The following ELF2 variants were observed in gnomAD, a reference collection of about 807,000 sequenced individuals.
ELF2 encodes the protein E74 like ETS transcription factor 2.
Under a neutral mutation model 54.8 loss-of-function variants are expected in ELF2, and 11 were observed. That is an observed-to-expected ratio of 0.20 (90% CI 0.13 to 0.33). The LOEUF is 0.33. Ranked by LOEUF, ELF2 falls within the 10% of genes least tolerant of loss-of-function variation. ELF2 has a pLI of 1.00. For synonymous variants in ELF2, 203 were observed against 245.1 expected (o/e 0.83, Z 1.61); for missense variants, 513 against 703.0 (o/e 0.73, Z 3.06).
In ELF2 at chr4:139,072,034, C is replaced by T. The variant is rs760977132; in HGVS notation, c.358G>A (p.Val120Met). ...CLRDSRSPVEVFVPPCVSTPE... is the reference protein window; with the variant it reads ...CLRDSRSPVEMFVPPCVSTPE... ...GTTGATACACAAGGAGGAACAAACA[C>T]TTCCACTATAAAAAAAAGTTGAAAA... The change falls in exon 6 of 10, where the codon GTG (valine) becomes ATG (methionine). Residue 120 changes from valine to methionine, a missense_variant. Val to Met is a conservative substitution (Grantham distance 21). Around this residue, in one of 3 missense-constraint regions of ELF2, gnomAD observed 203 missense variants for 245.9 expected, o/e 0.83. Transcript: ENST00000686138. 5.0e-6 allele frequency: 8 copies of T among 1,607,634 alleles called. No homozygotes were observed. The highest frequency in any genetic ancestry group is 6.8e-6 in the Non-Finnish European group (8 of 1,178,694).
intron 1 of ELF2, among the ~76,000 whole-genome samples, chr4:139,140,218 T>C (rs1738571052): frequency 6.6e-6 from 1 of 152,214 alleles, no homozygotes. Flanking sequence ...CTATTAGACA[T>C]GTTCCTGCTA....
chr4:139,143,011 G>A lies in ELF2; in HGVS notation c.-251-3514C>T, dbSNP rs557772391. On this transcript the variant is annotated intron_variant, in intron 1 of 9. Coordinates refer to ENST00000686138, the MANE Select transcript of ELF2 (RefSeq NM_001331036.3). ...CAGGCTGGAGGATTCTCAGATGATGGAGTAGGATGCACCAGGAATCTGTAT... is the reference window on the plus strand; with the variant it reads ...CAGGCTGGAGGATTCTCAGATGATGAAGTAGGATGCACCAGGAATCTGTAT... Among the ~76,000 whole-genome samples the A allele has an allele frequency of 1.1e-4, 16 of 152,210 alleles. 1 individual carries two copies. Among genetic ancestry groups the A allele is most frequent in the African/African-American group, 3.6e-4 (15 of 41,484 alleles).
At chr4:139,069,498 A>C (rs1275307396) in intron 6 of ELF2, among the ~76,000 whole-genome samples, 1 of 152,226 alleles carries the variant, frequency 6.6e-6, no homozygotes, top group East Asian at 1.9e-4. Flanking sequence ...TCTAGCACAA[A>C]AGCCCAACTT....
intron 3 of ELF2, among the ~76,000 whole-genome samples, chr4:139,129,974 T>C (rs1737323417): frequency 6.6e-6 from 1 of 152,202 alleles, no homozygotes; most frequent in African/African-American, 2.4e-5. Flanking sequence ...CCCTAGCTTC[T>C]GTGAATGTGA....
At chr4:139,097,892 T>G (rs1467858207) in intron 4 of ELF2, among the ~76,000 whole-genome samples, 2 of 152,150 alleles carry the variant, frequency 1.3e-5, no homozygotes, top group Non-Finnish European at 2.9e-5. Context: ...TAATTTATTT[T>G]TTGCAGAGAC....
At chr4:139,068,844 T>C (rs1729104684) in intron 6 of ELF2, among the ~76,000 whole-genome samples, 1 of 151,990 alleles carries the variant, frequency 6.6e-6, no homozygotes, top group Admixed American at 6.6e-5. Context: ...TATTTTAAAA[T>C]CAAATACATA....
intron 4 of ELF2, among the ~76,000 whole-genome samples, chr4:139,076,421 C>A (rs142541906): frequency 2.0e-5 from 3 of 151,700 alleles, no homozygotes; most frequent in Non-Finnish European, 4.4e-5. Flanking sequence ...TGCCTCCCTA[C>A]AATACTCACA....
chr4:139,175,999 C>T (rs1742875115), intron 1 of ELF2, among the ~76,000 whole-genome samples: 1 of 152,164 alleles, frequency 6.6e-6, no homozygotes, highest in Non-Finnish European at 1.5e-5. Context: ...AATAAAAATG[C>T]CCAAATGGAG....
chr4:139,136,020 T>C (rs931485311), intron 3 of ELF2, among the ~76,000 whole-genome samples: 11 of 152,206 alleles, frequency 7.2e-5, no homozygotes, highest in African/African-American at 2.7e-4. Flanking sequence ...ATTCTGCCTA[T>C]TGTTTTTGGT....
At chr4:139,163,740 C>G (rs1741399765) in intron 1 of ELF2, among the ~76,000 whole-genome samples, 1 of 151,920 alleles carries the variant, frequency 6.6e-6, no homozygotes, top group Admixed American at 6.6e-5. Context: ...ACAATGAAAC[C>G]CCGTCTCTAC....
At chr4:139,107,456 C>T (rs1008394693) in intron 4 of ELF2, among the ~76,000 whole-genome samples, 1 of 152,148 alleles carries the variant, frequency 6.6e-6, no homozygotes, top group Non-Finnish European at 1.5e-5. Context: ...TATCATCACA[C>T]ATTATATATA....
At chr4:139,128,510 A>T (rs1288968148) in intron 3 of ELF2, among the ~76,000 whole-genome samples, 2 of 151,946 alleles carry the variant, frequency 1.3e-5, no homozygotes, top group African/African-American at 4.8e-5. Flanking sequence ...CTATTCTCTA[A>T]AAATATTTTT....
chr4:139,126,814 G>C (rs1736966269), intron 3 of ELF2, among the ~76,000 whole-genome samples: 1 of 152,134 alleles, frequency 6.6e-6, no homozygotes, highest in African/African-American at 2.4e-5. Flanking sequence ...GAAGATACTG[G>C]AGAATGTATC....
In ELF2 at chr4:139,137,870, A is replaced by G; in HGVS notation, c.-166-3T>C. On this transcript the variant is annotated splice_region_variant and splice_polypyrimidine_tract_variant and intron_variant, in intron 2 of 9. Coordinates refer to ENST00000686138, the MANE Select transcript of ELF2 (RefSeq NM_001331036.3). ...CTAAAGATGATTAACCAGAAAGCCT[A>G]AAAAGAGGAAGAATTTGAAAAGTTA... The G allele has an allele frequency of 7.7e-7, 1 of 1,306,540 alleles. No homozygotes were observed. The highest frequency in any genetic ancestry group is 9.7e-7 in the Non-Finnish European group (1 of 1,027,946). 80.9% of individuals were successfully genotyped at this position (1,306,540 alleles called of 1,614,324 possible).
At chr4:139,172,446 G>A (rs1163586486) in intron 1 of ELF2, among the ~76,000 whole-genome samples, 1 of 152,012 alleles carries the variant, frequency 6.6e-6, no homozygotes, top group East Asian at 1.9e-4. Flanking sequence ...CCATATTCAC[G>A]CTGTCTACAC....
Position 139,067,766 on chromosome 4 carries a change from G to A in ELF2, c.531C>T (p.Gly177=). ...GTGATTGCTGGGTCTTTGGTTTACG[G>A]CCAACTGAAAAAATAAGATATTGAA... ...SHEPMKKKKV[G]RKPKTQQSPI... The change falls in exon 7 of 10, where the codon GGC becomes GGT. Residue 177 remains glycine, a synonymous_variant. Transcript: ENST00000686138. 1.3e-6 allele frequency: 2 copies of A among 1,576,340 alleles called. No homozygotes were observed. Among genetic ancestry groups the A allele is most frequent in the South Asian group, 1.2e-5 (1 of 85,494 alleles).
chr4:139,177,222 TGCCCCCGCCCCGCTCCGCTCCCG>T (rs1376983954), upstream of ELF2: 13 of 150,466 alleles, frequency 8.6e-5, no homozygotes, highest in African/African-American at 3.2e-4. Context: ...GAGCAATGGT[TGCCCCCGCCCCGCTCCGCTCCCG>T]GCCCCCTCCC....
intron 4 of ELF2, among the ~76,000 whole-genome samples, chr4:139,095,476 T>C (rs565956729): frequency 6.6e-6 from 1 of 152,076 alleles, no homozygotes; most frequent in African/African-American, 2.4e-5. Flanking sequence ...TGAGCCACTG[T>C]GCCAGCCTGC....
intron 1 of ELF2, among the ~76,000 whole-genome samples, chr4:139,154,443 G>A (rs907782970): frequency 4.6e-5 from 7 of 151,846 alleles, no homozygotes; most frequent in African/African-American, 7.3e-5. Flanking sequence ...AAGACCCTAA[G>A]ATATTAGTTG....
Sources: gnomAD v4.1 joint callset for allele counts (sites outside exome capture counted in the v4.1 genomes callset) on GRCh38, gnomAD v4.1.1 for gene constraint, gnomAD v4.1.1 regional missense constraint, MANE v1.5 for transcripts, NCBI Gene and HGNC (gene_info 2026-07-23, HGNC 2026-07-21) for gene names.